The following AKAP13 variants were observed in gnomAD, a reference collection of about 807,000 sequenced individuals.
AKAP13 encodes the protein A-kinase anchoring protein 13.
Under a neutral mutation model 264.5 loss-of-function variants are expected in AKAP13, and 80 were observed. The ratio of observed to expected loss-of-function variants is 0.30; its 90% CI spans 0.25 to 0.36. The LOEUF (loss-of-function observed/expected upper bound fraction) is 0.36. AKAP13 is among the 10% of genes least tolerant of loss of function. The pLI is 1.00. For synonymous variants in AKAP13, 1,380 were observed against 1,250.2 expected, an observed-to-expected ratio of 1.10 and a Z score of -2.19; for missense variants, 3,712 against 3,435.2, an observed-to-expected ratio of 1.08 and a Z score of -2.01.
At chr15:85,626,798 ATTT>A (rs199614874) in intron 8 of AKAP13, among the ~76,000 whole-genome samples, 1 of 146,418 alleles carries the variant, frequency 6.8e-6, no homozygotes, top group Non-Finnish European at 1.5e-5. Context: ...TGTATGTTTA[ATTT>A]TTTTTTTTTT....
intron 1 of AKAP13, among the ~76,000 whole-genome samples, chr15:85,463,859 G>A (rs375757597): frequency 7.9e-5 from 12 of 151,764 alleles, no homozygotes; most frequent in African/African-American, 1.9e-4. Context: ...CTAGGAGTCA[G>A]TTGGTAATGA....
At chr15:85,529,261 A>T (rs534844286) in intron 3 of AKAP13, among the ~76,000 whole-genome samples, 4 of 152,244 alleles carry the variant, frequency 2.6e-5, no homozygotes, top group Admixed American at 2.0e-4. Context: ...CTCTACAAGA[A>T]TACAAAAAAA....
chr15:85,620,022 G>C, intron 8 of AKAP13: 3 of 1,531,844 alleles, frequency 2.0e-6, no homozygotes, highest in African/African-American at 1.4e-5. Flanking sequence ...CTAAGGACTT[G>C]CACTGGTCCC....
At chr15:85,717,034 C>T (rs764558829) in intron 20 of AKAP13, 3 of 397,414 alleles carry the variant, frequency 7.5e-6, no homozygotes, top group South Asian at 3.4e-5. Flanking sequence ...AAGAAAGTTC[C>T]CCTTGCTTCT....
At chr15:85,620,025 C>G (rs1258536865) in intron 8 of AKAP13, 1 of 1,532,314 alleles carries the variant, frequency 6.5e-7, no homozygotes, top group African/African-American at 1.4e-5. Flanking sequence ...AGGACTTGCA[C>G]TGGTCCCCAA....
chr15:85,597,301 G>A (rs1184793781), intron 8 of AKAP13, among the ~76,000 whole-genome samples: 2 of 152,146 alleles, frequency 1.3e-5, no homozygotes, highest in African/African-American at 4.8e-5. Flanking sequence ...GCCATCATTT[G>A]TGATGCCCAG....
intron 8 of AKAP13, among the ~76,000 whole-genome samples, chr15:85,593,852 A>G (rs1462780628): frequency 2.0e-5 from 3 of 152,206 alleles, no homozygotes; most frequent in African/African-American, 7.2e-5. Flanking sequence ...TATAAGGGAA[A>G]GATTATGGAG....
chr15:85,570,668 G>A (rs1054605727), intron 5 of AKAP13, among the ~76,000 whole-genome samples: 1 of 152,152 alleles, frequency 6.6e-6, no homozygotes, highest in African/African-American at 2.4e-5. Flanking sequence ...TGCTTTGTAG[G>A]ATCCCCTCCT....
chr15:85,702,617 A>C (rs191861216), intron 17 of AKAP13: 36 of 152,276 alleles, frequency 2.4e-4, no homozygotes, highest in African/African-American at 8.4e-4. Context: ...TGACCCCTGG[A>C]TAGAGCTTCA....
At chr15:85,390,374 A>T (rs2070794534) in intron 1 of AKAP13, among the ~76,000 whole-genome samples, 1 of 152,226 alleles carries the variant, frequency 6.6e-6, no homozygotes, top group South Asian at 2.1e-4. Flanking sequence ...GGAGCAAGTC[A>T]CATGAAGATT....
chr15:85,642,373 T>G (rs763391365), intron 9 of AKAP13, among the ~76,000 whole-genome samples: 5 of 152,220 alleles, frequency 3.3e-5, no homozygotes, highest in Non-Finnish European at 7.3e-5. Flanking sequence ...TCAGTCTAAC[T>G]AAAAAACCAG....
chr15:85,630,772 A>G (rs1012947148), intron 8 of AKAP13, among the ~76,000 whole-genome samples: 1 of 152,232 alleles, frequency 6.6e-6, no homozygotes, highest in South Asian at 2.1e-4. Flanking sequence ...TGTGGTAGCT[A>G]CAATAAGAAA....
At position 85,632,847 on chromosome 15, in the gene AKAP13, A is replaced by G. The variant is rs2081902831; in HGVS notation, c.4162-6527A>G. The stretch of plus-strand genomic sequence containing the variant: ...AATGACATGTGGTATTGAGAAGGTA[A>G]TGAAAAGTATTCTAAGAAATAAAAT... On this transcript the variant is annotated intron_variant, in intron 8 of 36. Transcript: ENST00000394518. Among the ~76,000 whole-genome samples the G allele has an allele frequency of 2.0e-5, 3 of 146,692 alleles. No homozygotes were observed. The Admixed American group carries it at 2.1e-4, about 10-fold the overall frequency.
intron 1 of AKAP13, among the ~76,000 whole-genome samples, chr15:85,474,864 CA>C (rs1339572631): frequency 6.6e-6 from 1 of 152,192 alleles, no homozygotes; most frequent in African/African-American, 2.4e-5. Flanking sequence ...AGGTAACTGA[CA>C]TTTTTAACGT....
At chr15:85,497,405 A>C (rs1214795212) in intron 2 of AKAP13, among the ~76,000 whole-genome samples, 1 of 152,156 alleles carries the variant, frequency 6.6e-6, no homozygotes, top group Non-Finnish European at 1.5e-5. Flanking sequence ...TGGCAGATGT[A>C]ATTGGGAAGC....
chr15:85,403,609 G>A (rs1194834688), intron 1 of AKAP13, among the ~76,000 whole-genome samples: 3 of 152,146 alleles, frequency 2.0e-5, no homozygotes, highest in Admixed American at 6.5e-5. Flanking sequence ...GGGAAGCTGA[G>A]GTGGGTGGAT....
intron 35 of AKAP13, among the ~76,000 whole-genome samples, chr15:85,742,873 A>C (rs1376159351): frequency 6.6e-6 from 1 of 152,154 alleles, no homozygotes; most frequent in East Asian, 1.9e-4. Context: ...GATGTTGCCA[A>C]ATATATTGGG....
intron 10 of AKAP13, among the ~76,000 whole-genome samples, 161 bp downstream of exon 10, chr15:85,646,115 C>G (rs1024779617): frequency 1.3e-5 from 2 of 152,170 alleles, no homozygotes; most frequent in Non-Finnish European, 2.9e-5. Flanking sequence ...CTTGTAGGGC[C>G]TCACTCACTC....
intron 1 of AKAP13, among the ~76,000 whole-genome samples, chr15:85,456,943 A>G (rs2074301539): frequency 6.6e-6 from 1 of 152,202 alleles, no homozygotes; most frequent in African/African-American, 2.4e-5. Flanking sequence ...ATTCAATACA[A>G]TAACAGTAAT....
Sources: allele counts gnomAD v4.1 joint callset (sites outside exome capture counted in the v4.1 genomes callset), GRCh38; gene constraint gnomAD v4.1.1; transcripts MANE v1.5; gene names NCBI Gene and HGNC (gene_info 2026-07-23, HGNC 2026-07-21).